Variants in TMEM132B observed in about 807,000 individuals in gnomAD.
The protein encoded by TMEM132B is transmembrane protein 132B.
TMEM132B carries 18 observed loss-of-function variants against 90.8 expected under a neutral mutation model. The ratio of observed to expected loss-of-function variants is 0.20; its 90% CI spans 0.14 to 0.29. The LOEUF is 0.29. Among genes scored for constraint, TMEM132B ranks in the 10% least tolerant of loss-of-function variants. The pLI, the probability that TMEM132B is intolerant of heterozygous loss-of-function variation, is 1.00. For missense variants in TMEM132B, 1,096 were observed against 1,326.8 expected (o/e 0.83, Z 2.70); for synonymous variants, 504 against 523.3 (o/e 0.96, Z 0.50).
chr12:125,319,284 TTGA>T (rs1262930317), intron 1 of TMEM132B, among the ~76,000 whole-genome samples: 3 of 152,232 alleles, frequency 2.0e-5, no homozygotes, highest in Non-Finnish European at 2.9e-5. Flanking sequence ...GTAGATGCTG[TTGA>T]TGATGATAGT....
chr12:125,514,594 A>G (rs1042539530), intron 3 of TMEM132B, among the ~76,000 whole-genome samples: 1 of 152,248 alleles, frequency 6.6e-6, no homozygotes, highest in African/African-American at 2.4e-5. Flanking sequence ...ATGTGGGGAA[A>G]GTGTTACCAT....
chr12:125,187,892 A>G (rs1957769356), intron 1 of TMEM132B, among the ~76,000 whole-genome samples: 1 of 151,972 alleles, frequency 6.6e-6, no homozygotes, highest in African/African-American at 2.4e-5. Flanking sequence ...TTTAAAATCA[A>G]GACCCATGAT....
chr12:125,405,850 T>C (rs989712279), intron 2 of TMEM132B, among the ~76,000 whole-genome samples: 4 of 152,180 alleles, frequency 2.6e-5, no homozygotes, highest in African/African-American at 2.4e-5. Flanking sequence ...GGGAGTGGCC[T>C]CAGTAAAGCT....
chr12:125,538,888 A>T (rs1465867024), intron 4 of TMEM132B, among the ~76,000 whole-genome samples: 2 of 152,170 alleles, frequency 1.3e-5, no homozygotes, highest in African/African-American at 4.8e-5. Flanking sequence ...ATTTTCAAGC[A>T]TCATATTCAG....
At chr12:125,274,145 G>A (rs1347474593) in intron 1 of TMEM132B, among the ~76,000 whole-genome samples, 1 of 152,128 alleles carries the variant, frequency 6.6e-6, no homozygotes, top group East Asian at 1.9e-4. Flanking sequence ...TATACTCTGG[G>A]TGTCCTTTGG....
At chr12:125,321,183 C>G (rs893927607) in intron 1 of TMEM132B, among the ~76,000 whole-genome samples, 1 of 152,186 alleles carries the variant, frequency 6.6e-6, no homozygotes, top group Admixed American at 6.5e-5. Context: ...ATTTTTCTGA[C>G]TTTGGGGGAG....
chr12:125,436,097 T>C (rs7310173), intron 3 of TMEM132B, among the ~76,000 whole-genome samples: 83,340 of 151,928 alleles, frequency 0.55, 24,615 homozygotes, highest in African/African-American at 0.78. Flanking sequence ...TCTTTCCATC[T>C]GGTCCCTGTG....
intron 3 of TMEM132B, among the ~76,000 whole-genome samples, chr12:125,442,460 G>T (rs984594461): frequency 6.6e-6 from 1 of 152,186 alleles, no homozygotes; most frequent in Non-Finnish European, 1.5e-5. Flanking sequence ...TCATTTACTA[G>T]CTGTGTGGCC....
At position 125,654,536 on chromosome 12, in the gene TMEM132B, G is replaced by A. The variant is rs1464074833; in HGVS notation, c.3078G>A (p.Arg1026=). Residue 1026 remains arginine (R), a synonymous_variant, in exon 9 of 9, where the codon AGG becomes AGA. Coordinates refer to ENST00000682704, the MANE Select transcript of TMEM132B (RefSeq NM_001366854.1). This position sits in a 1 kb window ranked among gnomAD's most constrained non-coding sequence, Gnocchi z 5.8. ...NEPMNSSGPK[R]KRVKFTSYTT... ...CTATGAATTCTTCGGGCCCAAAGAG[G>A]AAGAGAGTCAAGTTCACTTCCTACA... The A allele has an allele frequency of 6.2e-7, 1 of 1,614,112 alleles. No individual in the cohort carries two copies. The highest frequency in any genetic ancestry group is 8.5e-7 in the Non-Finnish European group (1 of 1,180,032).
At chr12:125,541,523 A>T (rs1883956679) in intron 4 of TMEM132B, among the ~76,000 whole-genome samples, 1 of 152,136 alleles carries the variant, frequency 6.6e-6, no homozygotes, top group South Asian at 2.1e-4. Flanking sequence ...ATATGGAAGA[A>T]ATTTAATTAA....
At chr12:125,535,671 T>C (rs1592980552) in intron 4 of TMEM132B, among the ~76,000 whole-genome samples, 1 of 152,248 alleles carries the variant, frequency 6.6e-6, no homozygotes. Flanking sequence ...TGCTGGATTC[T>C]TTTCTGAGAC....
intron 3 of TMEM132B, among the ~76,000 whole-genome samples, chr12:125,481,865 A>G (rs1039795776): frequency 9.2e-5 from 14 of 152,360 alleles, no homozygotes; most frequent in African/African-American, 2.9e-4. Context: ...CTACAAGGCT[A>G]CAGTAACCAA....
At chr12:125,530,803 AC>A (rs1187697010) in intron 4 of TMEM132B, among the ~76,000 whole-genome samples, 1 of 152,182 alleles carries the variant, frequency 6.6e-6, no homozygotes, top group Non-Finnish European at 1.5e-5. Context: ...TTGAGGGCTC[AC>A]CCTAATCCAG....
intron 3 of TMEM132B, among the ~76,000 whole-genome samples, chr12:125,427,463 C>A (rs528796942): frequency 6.6e-6 from 1 of 152,216 alleles, no homozygotes; most frequent in Admixed American, 6.5e-5. Flanking sequence ...GGCTCCAGAG[C>A]AGTGCCTGGC....
chr12:125,495,214 C>T (rs1882524430), intron 3 of TMEM132B, among the ~76,000 whole-genome samples: 1 of 134,748 alleles, frequency 7.4e-6, no homozygotes, highest in Non-Finnish European at 1.6e-5. Flanking sequence ...TCCCTCCTCC[C>T]CCTCCTCCCT....
intron 2 of TMEM132B, among the ~76,000 whole-genome samples, chr12:125,356,694 G>A (rs1290374953): frequency 2.0e-5 from 3 of 152,180 alleles, no homozygotes; most frequent in Admixed American, 6.5e-5. Flanking sequence ...GGCTCAGGCC[G>A]CCATGTTGCC....
At chr12:125,532,951 C>G (rs532911146) in intron 4 of TMEM132B, among the ~76,000 whole-genome samples, 2 of 152,134 alleles carry the variant, frequency 1.3e-5, no homozygotes, top group African/African-American at 4.8e-5. Flanking sequence ...TTGGGTTGCC[C>G]GCTGCAAGCC....
Position 125,407,762 on chromosome 12 carries a change from G to A in TMEM132B, c.960-7769G>A, listed in dbSNP as rs1374989367. Among the ~76,000 whole-genome samples, 2 of 152,194 alleles carry A rather than the reference G, an allele frequency of 1.3e-5. No individual in the cohort carries two copies. Among genetic ancestry groups the A allele is most frequent in the Non-Finnish European group, 2.9e-5 (2 of 68,036 alleles). On this transcript the variant is annotated intron_variant, in intron 2 of 8. Transcript: ENST00000682704. This position sits in a 1 kb window ranked among gnomAD's most constrained non-coding sequence, Gnocchi z 6.7. ...GTCTGGGGGAGAAACGCCTCTGTGTGTCTGGGGTGGTGACATTTGGGTTCA... is the reference window on the plus strand; with the variant it reads ...GTCTGGGGGAGAAACGCCTCTGTGTATCTGGGGTGGTGACATTTGGGTTCA...
rs1044406490 is a variant in TMEM132B, at chr12:125,656,985, G to A, written c.*2275G>A. ...TTGGGTAGGGGGTGTAACTGGGGAG[G>A]AGGTGAAGGAAATTATCCCTGCCAT... On this transcript the variant is annotated 3_prime_UTR_variant, in exon 9 of 9. Coordinates refer to ENST00000682704, the MANE Select transcript of TMEM132B (RefSeq NM_001366854.1). 3 of 152,248 alleles carry A rather than the reference G, an allele frequency of 2.0e-5. No individual in the cohort carries two copies. Among genetic ancestry groups the A allele is most frequent in the African/African-American group, 7.2e-5 (3 of 41,450 alleles). 9.4% of individuals were successfully genotyped at this position (152,248 alleles called of 1,614,324 possible).
Sources: gnomAD v4.1 joint callset for allele counts (sites outside exome capture counted in the v4.1 genomes callset) on GRCh38, gnomAD v4.1.1 for gene constraint, Gnocchi (gnomAD v3.1) non-coding constraint, MANE v1.5 for transcripts, NCBI Gene and HGNC (gene_info 2026-07-23, HGNC 2026-07-21) for gene names.